HPGDS: variants seen among roughly 807,000 people sequenced by gnomAD.
The protein encoded by HPGDS is GST class-sigma.
In HPGDS, 26 loss-of-function variants were observed where a neutral mutation model predicts 23.1. The observed-to-expected ratio is 1.13, with a 90% CI of 0.83 to 1.56. The LOEUF is 1.56. Among genes scored for constraint, HPGDS ranks in the 40% most tolerant of loss-of-function variants. HPGDS has a pLI of 0.00. For missense variants in HPGDS, 268 were observed against 236.4 expected (o/e 1.13, Z -0.88); for synonymous variants, 95 against 77.9 (o/e 1.22, Z -1.16).
At chr4:94,317,385 G>T (rs10030713) in intron 3 of HPGDS, among the ~76,000 whole-genome samples, 1 of 151,968 alleles carries the variant, frequency 6.6e-6, no homozygotes, top group South Asian at 2.1e-4. Flanking sequence ...CGGAAGCCAA[G>T]TATCCCCTTC....
At chr4:94,308,321 T>A (rs920732387) in intron 4 of HPGDS, among the ~76,000 whole-genome samples, 3 of 152,084 alleles carry the variant, frequency 2.0e-5, no homozygotes, top group African/African-American at 7.2e-5. Context: ...TGTACTATCA[T>A]AAGTCCTGAG....
intron 2 of HPGDS, among the ~76,000 whole-genome samples, chr4:94,326,645 T>G (rs1756636948): frequency 1.3e-5 from 2 of 152,186 alleles, no homozygotes; most frequent in South Asian, 4.1e-4. Context: ...TATTCTTTTG[T>G]ATCTCACTGA....
At chr4:94,322,453 C>G (rs1029166284) in intron 2 of HPGDS, among the ~76,000 whole-genome samples, 2 of 152,106 alleles carry the variant, frequency 1.3e-5, no homozygotes, top group African/African-American at 4.8e-5. Flanking sequence ...TGTTATTGGT[C>G]TATTCAGGGA....
At chr4:94,304,777 T>C (rs1756109439) in intron 4 of HPGDS, among the ~76,000 whole-genome samples, 2 of 152,104 alleles carry the variant, frequency 1.3e-5, no homozygotes, top group African/African-American at 4.8e-5. Context: ...TGGTGGTATG[T>C]AAGAGAGTTG....
chr4:94,310,113 G>A (rs1377935986), intron 3 of HPGDS, among the ~76,000 whole-genome samples: 1 of 152,086 alleles, frequency 6.6e-6, no homozygotes, highest in East Asian at 1.9e-4. Flanking sequence ...TTCTTTTGCT[G>A]TGCAGAAGCT....
intron 2 of HPGDS, among the ~76,000 whole-genome samples, chr4:94,325,982 T>G (rs1332358292): frequency 6.6e-6 from 1 of 152,056 alleles, no homozygotes; most frequent in East Asian, 1.9e-4. Flanking sequence ...TGACAGGTTT[T>G]TTTTTTTTTT....
At chr4:94,312,365 C>T (rs1425988881) in intron 3 of HPGDS, among the ~76,000 whole-genome samples, 1 of 152,146 alleles carries the variant, frequency 6.6e-6, no homozygotes, top group Admixed American at 6.5e-5. Context: ...TTTCAAAGAA[C>T]ATCGTTATTT....
chr4:94,311,244 G>T (rs1756263629), intron 3 of HPGDS, among the ~76,000 whole-genome samples: 1 of 151,872 alleles, frequency 6.6e-6, no homozygotes, highest in East Asian at 1.9e-4. Context: ...TCCAGTTTTT[G>T]CCCATTCAGT....
intron 4 of HPGDS, among the ~76,000 whole-genome samples, chr4:94,306,020 A>G (rs1291546478): frequency 1.3e-5 from 2 of 152,128 alleles, no homozygotes; most frequent in African/African-American, 2.4e-5. Flanking sequence ...TGACTGAGAT[A>G]ACACATAGAG....
rs1491468508 is a variant in HPGDS, at chr4:94,307,817, AAG to A, written c.336+815_336+816del. Among the ~76,000 whole-genome samples the A allele has an allele frequency of 1.6e-4, 25 of 151,644 alleles. No homozygotes were observed. The East Asian group carries it at 4.8e-3, about 29-fold the overall frequency. On this transcript the variant is annotated intron_variant, in intron 4 of 5. Coordinates refer to ENST00000295256, the MANE Select transcript of HPGDS (RefSeq NM_014485.3). Reference sequence around the variant, plus strand: ...CTAATTTTAAGGAAGAAAAGTGAGAAAGAAAATATAAAAGCATACTACAGTGC... The same window carrying A: ...CTAATTTTAAGGAAGAAAAGTGAGAAAAAATATAAAAGCATACTACAGTGC...
intron 5 of HPGDS, among the ~76,000 whole-genome samples, 171 bp from the exon 6 acceptor site, chr4:94,299,815 C>G (rs984187088): frequency 6.6e-6 from 1 of 152,178 alleles, no homozygotes; most frequent in Admixed American, 6.5e-5. Context: ...CACACTCCAG[C>G]AATCAGGTTA....
At chr4:94,340,311 C>CTTTCTTTTTCTTTTCTTTTTTTTT in intron 1 of HPGDS, among the ~76,000 whole-genome samples, 7 of 23,678 alleles carry the variant, frequency 3.0e-4, no homozygotes, top group Admixed American at 6.1e-4. Context: ...CTTTCTTTCT[C>CTTTCTTTTTCTTTTCTTTTTTTTT]TTTTTTTTTT....
chr4:94,332,301 C>T (rs1374137059), intron 2 of HPGDS, among the ~76,000 whole-genome samples: 3 of 152,178 alleles, frequency 2.0e-5, no homozygotes, highest in African/African-American at 2.4e-5. Context: ...CGTAGTTCTT[C>T]GGACGCTGGA....
chr4:94,307,390 G>A (rs892711734), intron 4 of HPGDS, among the ~76,000 whole-genome samples: 5 of 151,732 alleles, frequency 3.3e-5, no homozygotes, highest in Non-Finnish European at 5.9e-5. Flanking sequence ...CCATACCAGA[G>A]CGAAGCAGTG....
chr4:94,317,564 G>A (rs1469358849), intron 3 of HPGDS, among the ~76,000 whole-genome samples: 4 of 152,054 alleles, frequency 2.6e-5, no homozygotes, highest in Non-Finnish European at 5.9e-5. Context: ...CTTACCATAT[G>A]CAAACTAGCC....
At chr4:94,324,800 G>A (rs931522829) in intron 2 of HPGDS, among the ~76,000 whole-genome samples, 1 of 152,130 alleles carries the variant, frequency 6.6e-6, no homozygotes, top group Non-Finnish European at 1.5e-5. Context: ...TTGTTCCATT[G>A]CTCGCAAGGA....
intron 3 of HPGDS, among the ~76,000 whole-genome samples, chr4:94,317,550 A>G (rs546761583): frequency 6.6e-6 from 1 of 152,306 alleles, no homozygotes; most frequent in South Asian, 2.1e-4. Flanking sequence ...ATTTTCTCTA[A>G]TAACTTACCA....
intron 1 of HPGDS, among the ~76,000 whole-genome samples, chr4:94,341,029 A>G (rs1456368211): frequency 6.6e-6 from 1 of 151,282 alleles, no homozygotes; most frequent in East Asian, 2.0e-4. Flanking sequence ...TATTTTTAGT[A>G]GAGACGTGGT....
At chr4:94,301,283 A>G (rs1468216910) in intron 5 of HPGDS, among the ~76,000 whole-genome samples, 1 of 152,170 alleles carries the variant, frequency 6.6e-6, no homozygotes, top group Non-Finnish European at 1.5e-5. Flanking sequence ...TCAGGTTTAG[A>G]TTTGAATTTT....
Sources: allele counts gnomAD v4.1 joint callset (sites outside exome capture counted in the v4.1 genomes callset), GRCh38; gene constraint gnomAD v4.1.1; transcripts MANE v1.5; gene names NCBI Gene and HGNC (gene_info 2026-07-23, HGNC 2026-07-21).